The following ARHGAP8 variants were observed in gnomAD, a reference collection of about 807,000 sequenced individuals.
ARHGAP8 encodes the protein Rho GTPase activating protein 8, also known as rho GTPase-activating protein 8.
Under a neutral mutation model 46.1 loss-of-function variants are expected in ARHGAP8, and 62 were observed. The observed-to-expected ratio is 1.34, with a 90% CI of 1.10 to 1.66. The LOEUF is 1.66. Ranked by LOEUF, ARHGAP8 falls within the 40% of genes most tolerant of loss-of-function variation. The pLI is 0.00. For missense variants in ARHGAP8, 923 were observed against 568.4 expected (o/e 1.62, Z -6.34); for synonymous variants, 375 against 243.1 (o/e 1.54, Z -5.05).
intron 1 of ARHGAP8, among the ~76,000 whole-genome samples, chr22:44,785,306 A>G (rs1438158446): frequency 6.6e-6 from 1 of 152,138 alleles, no homozygotes; most frequent in African/African-American, 2.4e-5. Flanking sequence ...AAGTGCCACA[A>G]CCTGGCGGCT....
intron 5 of ARHGAP8, among the ~76,000 whole-genome samples, chr22:44,819,258 G>A (rs890326213): frequency 4.6e-5 from 7 of 152,234 alleles, no homozygotes; most frequent in Admixed American, 2.6e-4. Context: ...GTAGAGACAG[G>A]GTTTTGCCAT....
At chr22:44,786,297 C>T (rs557212205) in intron 1 of ARHGAP8, among the ~76,000 whole-genome samples, 160 bp from the exon 2 acceptor site, 2 of 151,872 alleles carry the variant, frequency 1.3e-5, no homozygotes, top group South Asian at 2.1e-4. Flanking sequence ...AGTGGGTGCT[C>T]GGCTGAGGCA....
At chr22:44,771,588 C>T (rs1408517958) in intron 1 of ARHGAP8, among the ~76,000 whole-genome samples, 1 of 146,634 alleles carries the variant, frequency 6.8e-6, no homozygotes, top group African/African-American at 2.5e-5. Flanking sequence ...AAGTCTTGCT[C>T]TTGTCCCCCA....
intron 8 of ARHGAP8, among the ~76,000 whole-genome samples, chr22:44,846,760 T>C (rs781210605): frequency 2.0e-5 from 3 of 152,048 alleles, no homozygotes; most frequent in Non-Finnish European, 4.4e-5. Context: ...CGTGCCAGAC[T>C]CTGGGGATAT....
intron 2 of ARHGAP8, among the ~76,000 whole-genome samples, chr22:44,798,258 G>A (rs528434230): frequency 6.6e-6 from 1 of 152,154 alleles, no homozygotes; most frequent in Non-Finnish European, 1.5e-5. Context: ...TTACATGAGT[G>A]AGCCACTGCA....
intron 7 of ARHGAP8, among the ~76,000 whole-genome samples, chr22:44,830,682 A>T (rs1418786054): frequency 2.0e-5 from 3 of 151,984 alleles, no homozygotes; most frequent in Non-Finnish European, 2.9e-5. Flanking sequence ...GACTACAGGT[A>T]TGTGCCACCA....
chr22:44,842,457 A>G (rs1931715786), intron 7 of ARHGAP8, among the ~76,000 whole-genome samples: 1 of 152,224 alleles, frequency 6.6e-6, no homozygotes, highest in Admixed American at 6.5e-5. Flanking sequence ...ACTGGATCAA[A>G]CAGTGTGACT....
intron 5 of ARHGAP8, among the ~76,000 whole-genome samples, chr22:44,821,326 G>A (rs892042709): frequency 2.6e-5 from 4 of 152,026 alleles, no homozygotes; most frequent in African/African-American, 9.7e-5. Flanking sequence ...CTACTTGGGA[G>A]GCTGAGGCAG....
At chr22:44,768,760 C>T (rs1200955573) in intron 1 of ARHGAP8, among the ~76,000 whole-genome samples, 3 of 151,874 alleles carry the variant, frequency 2.0e-5, no homozygotes, top group Admixed American at 2.0e-4. Context: ...GACATCAGGT[C>T]GCCCTTCTGT....
rs147846748 is a variant in ARHGAP8 at position 44,846,283 on chromosome 22, C to T, written c.670+941C>T. Reference sequence around the variant, plus strand: ...CCTCAGCCCTGCACCTTTCTGGTTACGAGTGGGTTGATTTCCTCTTTGGAG... The same window carrying T: ...CCTCAGCCCTGCACCTTTCTGGTTATGAGTGGGTTGATTTCCTCTTTGGAG... On this transcript the variant is annotated intron_variant, in intron 8 of 11. Coordinates refer to ENST00000356099, the MANE Select transcript of ARHGAP8 (RefSeq NM_181335.3). Among the ~76,000 whole-genome samples the T allele has an allele frequency of 5.0e-3, 768 of 152,342 alleles. 7 individuals are homozygous for T. Among genetic ancestry groups the T allele is most frequent in the African/African-American group, 0.018 (735 of 41,584 alleles).
At chr22:44,807,959 G>GC (rs1929049670) in intron 3 of ARHGAP8, among the ~76,000 whole-genome samples, 1 of 152,202 alleles carries the variant, frequency 6.6e-6, no homozygotes, top group African/African-American at 2.4e-5. Context: ...TCCAGGATGA[G>GC]CCCCTCCTCT....
intron 2 of ARHGAP8, among the ~76,000 whole-genome samples, chr22:44,796,354 G>C (rs5765023): frequency 0.27 from 41,752 of 152,072 alleles, 6,809 homozygotes; most frequent in African/African-American, 0.45. Context: ...GGTGGGCTGG[G>C]GTGCAGGGTG....
intron 3 of ARHGAP8, among the ~76,000 whole-genome samples, chr22:44,805,627 C>T (rs904474760): frequency 5.9e-5 from 9 of 152,212 alleles, no homozygotes; most frequent in Admixed American, 5.9e-4. Flanking sequence ...GAGAAGCTAC[C>T]ATCACCTGGT....
rs780318592 is a variant in ARHGAP8, at chr22:44,786,587, T to C, written c.60T>C (p.His20=). Residue 20 remains histidine, a synonymous_variant, in exon 2 of 12, where the codon CAT becomes CAC. Transcript: ENST00000356099. ...TSHPFYDVAR[H]GILQVAGDDR... ...ACCCGTTCTACGACGTGGCCAGACA[T>C]GGCATTCTGCAGGTGGCAGGTAGGG... 3 of 1,613,360 alleles carry C rather than the reference T, an allele frequency of 1.9e-6. No individual in the cohort carries two copies. In the South Asian group the frequency reaches 3.3e-5, roughly 18 times the overall value.
chr22:44,791,897 T>A (rs554140572), intron 2 of ARHGAP8, among the ~76,000 whole-genome samples: 1 of 152,262 alleles, frequency 6.6e-6, no homozygotes, highest in Admixed American at 6.5e-5. Flanking sequence ...GAGTTTACAG[T>A]CAAAGCACCA....
chr22:44,790,051 C>T (rs1927546551), intron 2 of ARHGAP8, among the ~76,000 whole-genome samples: 1 of 152,084 alleles, frequency 6.6e-6, no homozygotes, highest in Non-Finnish European at 1.5e-5. Flanking sequence ...TTGTCAAAGC[C>T]TGGGAGGGTC....
chr22:44,787,384 C>T (rs1225625270), intron 2 of ARHGAP8, among the ~76,000 whole-genome samples: 1 of 152,032 alleles, frequency 6.6e-6, no homozygotes. Context: ...TTCGCTCTGT[C>T]GCCCAGGCTG....
At chr22:44,808,463 AC>A (rs752361663) in intron 4 of ARHGAP8, 25 bp downstream of exon 4, 136 of 1,612,454 alleles carry the variant, frequency 8.4e-5, no homozygotes, top group Middle Eastern at 8.3e-4. Flanking sequence ...GCCTTCAGGG[AC>A]GTGGGTGTGG....
chr22:44,858,890 A>G (rs1601531547), intron 10 of ARHGAP8, among the ~76,000 whole-genome samples: 1 of 151,690 alleles, frequency 6.6e-6, no homozygotes, highest in South Asian at 2.1e-4. Context: ...GTAAAAGGCC[A>G]GATAGTAAAT....
Sources: allele counts gnomAD v4.1 joint callset (sites outside exome capture counted in the v4.1 genomes callset), GRCh38; gene constraint gnomAD v4.1.1; transcripts MANE v1.5; gene names NCBI Gene and HGNC (gene_info 2026-07-23, HGNC 2026-07-21).